Variants in ACAT2 observed in about 807,000 individuals in gnomAD.
ACAT2 encodes acetyl-CoA acetyltransferase, cytosolic.
In ACAT2, 26 loss-of-function variants were observed where a neutral mutation model predicts 37.1. That is an observed-to-expected ratio of 0.70 (90% CI 0.51 to 0.97). ACAT2 has a LOEUF of 0.97. ACAT2 is among the 50% of genes least tolerant of loss of function. The pLI is 0.00. For synonymous variants in ACAT2, 156 were observed against 163.6 expected, an observed-to-expected ratio of 0.95 and a Z score of 0.35; for missense variants, 468 against 489.0, an observed-to-expected ratio of 0.96 and a Z score of 0.40.
intron 5 of ACAT2, 52 bp from the exon 6 acceptor site, chr6:159,776,098 A>G (rs1049412845): frequency 4.5e-5 from 71 of 1,592,342 alleles, no homozygotes; most frequent in Non-Finnish European, 6.1e-5. Context: ...TTCCCAGCAC[A>G]CTTACTTCTG....
Position 159,778,668 on chromosome 6 carries a change from G to A in ACAT2, c.1033G>A (p.Glu345Lys), listed in dbSNP as rs766664459. ...TTTTCTCCCCCGTTAGGTCAATATT[G>A]AAGGAGGGGCTATAGCCTTGGGCCA... ...LGLNPEKVNI[E>K]GGAIALGHPL... Residue 345 changes from glutamate to lysine, a missense_variant, in exon 9 of 9, where the codon GAA (glutamate) becomes AAA (lysine). By Grantham distance (56) the Glu-to-Lys change is moderately conservative (BLOSUM62 1). Transcript: ENST00000367048. 10 of 1,613,988 alleles carry A rather than the reference G, an allele frequency of 6.2e-6. No individual in the cohort carries two copies. Among genetic ancestry groups the A allele is most frequent in the Non-Finnish European group, 5.9e-6 (7 of 1,179,958 alleles).
At chr6:159,769,175 C>G (rs544358356) in intron 4 of ACAT2, among the ~76,000 whole-genome samples, 1 of 152,236 alleles carries the variant, frequency 6.6e-6, no homozygotes, top group South Asian at 2.1e-4. Context: ...TTTTATGTAA[C>G]ACATAAATAT....
intron 6 of ACAT2, among the ~76,000 whole-genome samples, chr6:159,776,550 AAC>A (rs1310088577): frequency 6.6e-6 from 1 of 152,214 alleles, no homozygotes; most frequent in East Asian, 1.9e-4. Flanking sequence ...TTATTCTTAA[AAC>A]AGTTTAAGGA....
Position 159,776,215 on chromosome 6 carries a change from C to G in ACAT2, c.700C>G (p.Leu234Val). Reference protein sequence around the residue: ...HGSNIEAMSKLKPYFLTDGTG... With the variant: ...HGSNIEAMSKVKPYFLTDGTG... ...GAGCAACATAGAAGCCATGTCCAAG[C>G]TAAAGCCTTACTTTCTTACTGATGG... Residue 234 changes from leucine to valine, a missense_variant, in exon 6 of 9, where the codon CTA becomes GTA. Leu to Val is a conservative substitution (Grantham distance 32, BLOSUM62 1). Transcript: ENST00000367048. 6.2e-7 allele frequency: 1 copy of G among 1,614,124 alleles called. No homozygotes were observed. Among genetic ancestry groups the G allele is most frequent in the Non-Finnish European group, 8.5e-7 (1 of 1,179,998 alleles).
At chr6:159,768,909 AG>A (rs1351666263) in intron 4 of ACAT2, among the ~76,000 whole-genome samples, 1 of 152,208 alleles carries the variant, frequency 6.6e-6, no homozygotes, top group African/African-American at 2.4e-5. Flanking sequence ...TCTGTGGCAG[AG>A]GTAGTGACAG....
At chr6:159,773,355 C>G (rs1780366850) in intron 4 of ACAT2, among the ~76,000 whole-genome samples, 1 of 152,080 alleles carries the variant, frequency 6.6e-6, no homozygotes, top group Non-Finnish European at 1.5e-5. Flanking sequence ...AAACCAGTAA[C>G]AACAAGCAGT....
At position 159,762,076 on chromosome 6, in the gene ACAT2, A is replaced by C. The variant is rs747999711; in HGVS notation, c.-12A>C. The C allele has an allele frequency of 7.4e-6, 12 of 1,612,700 alleles. No homozygotes were observed. The highest frequency in any genetic ancestry group is 1.7e-5 in the Admixed American group (1 of 59,914). On this transcript the variant is annotated 5_prime_UTR_variant, in exon 1 of 9. Coordinates refer to ENST00000367048, the MANE Select transcript of ACAT2 (RefSeq NM_005891.3). ...CAGGCAGCGCAGGGCAGACGGCGGC[A>C]GGAGAAGCAAGATGAATGCAGGCTC...
intron 3 of ACAT2, among the ~76,000 whole-genome samples, chr6:159,768,217 C>T (rs1377772823): frequency 2.0e-5 from 3 of 151,928 alleles, no homozygotes; most frequent in Non-Finnish European, 4.4e-5. Flanking sequence ...TTAATTGCCT[C>T]GATGGAAAGA....
At chr6:159,771,853 T>C (rs1361160362) in intron 4 of ACAT2, among the ~76,000 whole-genome samples, 2 of 152,052 alleles carry the variant, frequency 1.3e-5, no homozygotes, top group Non-Finnish European at 2.9e-5. Context: ...TATCATAGTC[T>C]ACTATGATTG....
chr6:159,768,680 C>T (rs894912302), intron 4 of ACAT2, 52 bp downstream of exon 4: 5 of 1,311,762 alleles, frequency 3.8e-6, no homozygotes, highest in Non-Finnish European at 5.5e-6. Context: ...TTAAAAAGAC[C>T]ATATACTAAT....
chr6:159,771,597 A>G (rs1780337556), intron 4 of ACAT2, among the ~76,000 whole-genome samples: 1 of 152,018 alleles, frequency 6.6e-6, no homozygotes, highest in Non-Finnish European at 1.5e-5. Context: ...AAAAAGTTAA[A>G]AAAAGATCAT....
intron 2 of ACAT2, among the ~76,000 whole-genome samples, chr6:159,765,011 A>G (rs1190929428): frequency 6.6e-6 from 1 of 152,236 alleles, no homozygotes; most frequent in Non-Finnish European, 1.5e-5. Flanking sequence ...GCACTATTTT[A>G]GCAGCTGGAG....
intron 1 of ACAT2, chr6:159,762,412 C>T: frequency 7.3e-7 from 1 of 1,376,160 alleles, no homozygotes. Flanking sequence ...CTGCCTCTCC[C>T]ATTGGTTGGC....
intron 1 of ACAT2, 36 bp from the exon 2 acceptor site, chr6:159,762,883 C>A: frequency 1.2e-6 from 2 of 1,603,662 alleles, no homozygotes; most frequent in South Asian, 2.2e-5. Context: ...TACCCGCAGG[C>A]TTGTGATGTC....
Position 159,762,158 on chromosome 6 carries a change from G to C in ACAT2, c.55+16G>C. On this transcript the variant is annotated intron_variant, in intron 1 of 8. Transcript: ENST00000367048. ...ACCATCATAGGTGAGTGGCCGGCGG[G>C]AGCCGCGCAGAGTCCGAGGCGCCTG... is the stretch of plus-strand genomic sequence containing the variant. The C allele has an allele frequency of 6.2e-7, 1 of 1,607,630 alleles. No homozygotes were observed. The highest frequency in any genetic ancestry group is 2.2e-5 in the East Asian group (1 of 44,624).
chr6:159,778,424 T>TAAAAAAAAAAAAAAAAAAAAAAAAAA (rs1162214335), intron 8 of ACAT2, 144 bp downstream of exon 8: 1 of 62,912 alleles, frequency 1.6e-5, no homozygotes, highest in Non-Finnish European at 3.0e-5. Flanking sequence ...TCCCAAGGTT[T>TAAAAAAAAAAAAAAAAAAAAAAAAAA]AAAAAAAAAA....
In ACAT2 at chr6:159,778,424, TAAAAAAAAAAA is replaced by T. The variant is rs1162214335; in HGVS notation, c.1023+159_1023+169del. ...ACTGAGTTCATTACTTCCCAAGGTT[TAAAAAAAAAAA>T]AAAAAAAAAAAAAAGACATTGGCTT... On this transcript the variant is annotated intron_variant, in intron 8 of 8. Transcript: ENST00000367048. 12 of 91,382 alleles carry T rather than the reference TAAAAAAAAAAA, an allele frequency of 1.3e-4. No homozygotes were observed. In the South Asian group the frequency reaches 1.7e-3, roughly 13 times the overall value. 5.7% of individuals were successfully genotyped at this position (91,382 alleles called of 1,614,324 possible). A position where few individuals can be genotyped will look rare whatever the true frequency, so the allele number is the denominator to read the frequency against.
At chr6:159,778,341 T>C (rs1780472905) in intron 8 of ACAT2, 61 bp downstream of exon 8, 12 of 1,206,266 alleles carry the variant, frequency 9.9e-6, no homozygotes, top group Non-Finnish European at 1.4e-5. Context: ...AATTTTAAGA[T>C]AGTATCTTCT....
chr6:159,772,555 T>C (rs987490677), intron 4 of ACAT2, among the ~76,000 whole-genome samples: 3 of 152,186 alleles, frequency 2.0e-5, no homozygotes, highest in Non-Finnish European at 4.4e-5. Flanking sequence ...TCACACCCTA[T>C]ATAAAAGCTA....
Sources: allele counts gnomAD v4.1 joint callset (sites outside exome capture counted in the v4.1 genomes callset), GRCh38; gene constraint gnomAD v4.1.1; transcripts MANE v1.5; gene names NCBI Gene and HGNC (gene_info 2026-07-23, HGNC 2026-07-21).